Variants in PPP1R13B observed in about 807,000 individuals in gnomAD.
The protein encoded by PPP1R13B is protein phosphatase 1 regulatory subunit 13B, also known as apoptosis-stimulating of p53 protein 1.
In PPP1R13B, 44 loss-of-function variants were observed where a neutral mutation model predicts 119.8. The observed-to-expected ratio is 0.37, with a 90% confidence interval of 0.29 to 0.47. The LOEUF (loss-of-function observed/expected upper bound fraction) is 0.47, where lower values mean the gene tolerates loss of function less well. Ranked by LOEUF, PPP1R13B falls within the 20% of genes least tolerant of loss-of-function variation. The probability of loss-of-function intolerance (pLI) is 0.99; values close to 1 mark genes in which losing one functional copy is unlikely to be tolerated. For missense variants in PPP1R13B, 1,227 were observed against 1,413.5 expected, an observed-to-expected ratio of 0.87 and a Z score of 2.12; for synonymous variants, 542 against 561.5, an observed-to-expected ratio of 0.97 and a Z score of 0.49.
chr14:103,785,634 C>G (rs560172731), intron 2 of PPP1R13B, among the ~76,000 whole-genome samples: 1 of 151,964 alleles, frequency 6.6e-6, no homozygotes, highest in Admixed American at 6.6e-5. Context: ...GCCTCGGCCT[C>G]CTGAGTAGCT....
intron 4 of PPP1R13B, among the ~76,000 whole-genome samples, chr14:103,776,488 G>A (rs957847460): frequency 6.6e-6 from 1 of 152,158 alleles, no homozygotes; most frequent in African/African-American, 2.4e-5. Context: ...TAGATTCCAT[G>A]CACTTTACCA....
At chr14:103,756,944 A>C (rs2084691941) in intron 5 of PPP1R13B, among the ~76,000 whole-genome samples, 1 of 151,662 alleles carries the variant, frequency 6.6e-6, no homozygotes, top group Non-Finnish European at 1.5e-5. Context: ...AAATATTTTT[A>C]GTAGAGACGG....
Position 103,734,018 on chromosome 14 carries a change from A to G in PPP1R13B, c.*1136T>C, listed in dbSNP as rs2084021846. On this transcript the variant is annotated 3_prime_UTR_variant, in exon 17 of 17. Coordinates refer to ENST00000202556, the MANE Select transcript of PPP1R13B (RefSeq NM_015316.3). ...TAATGAGAAAAAAAAAATTTCCAAC[A>G]TAGTTCGGGTAGCTTTGAATGGTCT... is the stretch of plus-strand genomic sequence containing the variant. 6.3e-6 allele frequency: 1 copy of G among 159,396 alleles called. No homozygotes were observed. Among genetic ancestry groups the G allele is most frequent in the Admixed American group, 5.8e-5 (1 of 17,164 alleles). 9.9% of individuals were successfully genotyped at this position (159,396 alleles called of 1,614,324 possible).
upstream of PPP1R13B, chr14:103,848,224 C>T: frequency 6.1e-6 from 6 of 983,530 alleles, no homozygotes; most frequent in Non-Finnish European, 7.2e-6. Flanking sequence ...TTCGCCCGAG[C>T]GATCTCCCGC....
intron 1 of PPP1R13B, among the ~76,000 whole-genome samples, chr14:103,799,997 A>G (rs568049469): frequency 4.6e-5 from 7 of 152,164 alleles, no homozygotes; most frequent in African/African-American, 1.7e-4. Flanking sequence ...GGTTGCAGTG[A>G]GCCAAGATCG....
At chr14:103,757,606 G>A (rs1430974347) in intron 5 of PPP1R13B, 44 bp downstream of exon 5, 2 of 1,559,276 alleles carry the variant, frequency 1.3e-6, no homozygotes, top group South Asian at 1.1e-5. Flanking sequence ...GGTTAAAGAA[G>A]GTACTTTTTG....
intron 4 of PPP1R13B, among the ~76,000 whole-genome samples, chr14:103,772,914 G>A (rs1329051397): frequency 6.6e-6 from 1 of 152,006 alleles, no homozygotes; most frequent in Non-Finnish European, 1.5e-5. Flanking sequence ...TGATCCACCC[G>A]CCTCAGCCTC....
chr14:103,735,099 TCTCTTAAGTGGCTCCTGGTAGCTGGC>T lies in PPP1R13B; in HGVS notation c.*29_*54del, dbSNP rs759495924. ...GCTTTCCTGGAAAACAGCACAATAA[TCTCTTAAGTGGCTCCTGGTAGCTGGC>T]AAGACCATGCGGTGCTCCAAAAGGA... On this transcript the variant is annotated 3_prime_UTR_variant, in exon 17 of 17. Transcript: ENST00000202556. 6.3e-7 allele frequency: 1 copy of T among 1,597,712 alleles called. No homozygotes were observed. The highest frequency in any genetic ancestry group is 1.7e-5 in the Admixed American group (1 of 59,994).
At chr14:103,836,474 A>C (rs992930186) in intron 1 of PPP1R13B, among the ~76,000 whole-genome samples, 1 of 152,052 alleles carries the variant, frequency 6.6e-6, no homozygotes, top group African/African-American at 2.4e-5. Flanking sequence ...GGGGTTAAAC[A>C]ATTTGTCCAA....
intron 8 of PPP1R13B, among the ~76,000 whole-genome samples, chr14:103,749,331 T>C (rs1360245675): frequency 1.3e-5 from 2 of 152,080 alleles, no homozygotes; most frequent in African/African-American, 4.8e-5. Context: ...TGGTCAAGAG[T>C]TTACAAAATC....
chr14:103,761,486 G>A (rs970711216), intron 4 of PPP1R13B, among the ~76,000 whole-genome samples: 10 of 151,726 alleles, frequency 6.6e-5, no homozygotes, highest in Admixed American at 2.6e-4. Flanking sequence ...TACATAGGCC[G>A]GGCGCTGTGG....
rs545544012 is a variant in PPP1R13B at position 103,834,154 on chromosome 14, C to G, written c.9+13145G>C. On this transcript the variant is annotated intron_variant, in intron 1 of 16. Transcript: ENST00000202556. ...CTTTGGGAGGCCAAGGCGTGTGGAT[C>G]ACTTGAGGCCAGACGTTCAAGACCA... Among the ~76,000 whole-genome samples the G allele has an allele frequency of 2.0e-5, 3 of 152,302 alleles. No individual in the cohort carries two copies. In the South Asian group the frequency reaches 6.2e-4, roughly 32 times the overall value.
chr14:103,807,199 CTTCT>C (rs539319944), intron 1 of PPP1R13B, among the ~76,000 whole-genome samples: 4 of 152,188 alleles, frequency 2.6e-5, no homozygotes, highest in Non-Finnish European at 5.9e-5. Context: ...GTATTACCCT[CTTCT>C]TTCAGGCCTC....
intron 5 of PPP1R13B, among the ~76,000 whole-genome samples, chr14:103,754,561 C>CA (rs771794623): frequency 0.44 from 17,617 of 40,052 alleles, 4,154 homozygotes; most frequent in Non-Finnish European, 0.52. Context: ...GACTCAGTCT[C>CA]AAAAAAAAAA....
In PPP1R13B at chr14:103,780,403, C is replaced by G. The variant is rs1192458910; in HGVS notation, c.278-1582G>C. Among the ~76,000 whole-genome samples the G allele has an allele frequency of 2.1e-5, 3 of 142,454 alleles. No individual in the cohort carries two copies. The East Asian group carries it at 6.3e-4, about 30-fold the overall frequency. The allele number at this position is 142,454 out of a possible 152,430, so 93.5% of individuals were successfully genotyped here. A position where few individuals can be genotyped will look rare whatever the true frequency, so the allele number is the denominator to read the frequency against. On this transcript the variant is annotated intron_variant, in intron 3 of 16. Coordinates refer to ENST00000202556, the MANE Select transcript of PPP1R13B (RefSeq NM_015316.3). ...TTGGAAGGCTGAAGTGGGAGGATCA[C>G]TTGAGCCCAGGAGGCAGAGGTTGCA...
intron 2 of PPP1R13B, among the ~76,000 whole-genome samples, chr14:103,785,932 A>G (rs2085452647): frequency 6.6e-6 from 1 of 152,240 alleles, no homozygotes; most frequent in South Asian, 2.1e-4. Flanking sequence ...AACTCAGGCA[A>G]CATTATTGTG....
intron 1 of PPP1R13B, among the ~76,000 whole-genome samples, chr14:103,829,788 A>T (rs77712361): frequency 0.035 from 5,232 of 149,480 alleles, 267 homozygotes; most frequent in African/African-American, 0.11. Context: ...ATATTTTACT[A>T]TTTTTTTTTT....
intron 2 of PPP1R13B, among the ~76,000 whole-genome samples, chr14:103,789,870 T>C (rs905136302): frequency 4.6e-5 from 7 of 152,170 alleles, no homozygotes; most frequent in Admixed American, 6.6e-5. Context: ...TATTAGTGTT[T>C]ATGTCTTAAC....
At chr14:103,838,792 T>C (rs910844283) in intron 1 of PPP1R13B, among the ~76,000 whole-genome samples, 1 of 152,180 alleles carries the variant, frequency 6.6e-6, no homozygotes, top group Non-Finnish European at 1.5e-5. Context: ...CAATGTAAAG[T>C]TACTATTATG....
Sources: allele counts gnomAD v4.1 joint callset (sites outside exome capture counted in the v4.1 genomes callset), GRCh38; gene constraint gnomAD v4.1.1; transcripts MANE v1.5; gene names NCBI Gene and HGNC (gene_info 2026-07-23, HGNC 2026-07-21).